ZNF804B: variants seen among roughly 807,000 people sequenced by gnomAD.
ZNF804B encodes the protein zinc finger 804B.
A neutral mutation model predicts 101.4 loss-of-function variants in ZNF804B; 80 were observed. The observed-to-expected ratio is 0.79, with a 90% CI of 0.66 to 0.95. The LOEUF (loss-of-function observed/expected upper bound fraction) is 0.95. Ranked by LOEUF, ZNF804B falls within the 40% of genes least tolerant of loss-of-function variation. The pLI is 0.00. For missense variants in ZNF804B, 1,673 were observed against 1,561.9 expected (o/e 1.07, Z -1.20); for synonymous variants, 622 against 558.8 (o/e 1.11, Z -1.59).
At chr7:89,311,774 A>T (rs1012164578) in intron 2 of ZNF804B, among the ~76,000 whole-genome samples, 14 of 152,202 alleles carry the variant, frequency 9.2e-5, no homozygotes, top group African/African-American at 3.4e-4. Flanking sequence ...GCATTTCAGA[A>T]CAATAATCAA....
intron 1 of ZNF804B, among the ~76,000 whole-genome samples, chr7:88,905,067 T>C (rs1449133969): frequency 1.3e-5 from 2 of 152,176 alleles, no homozygotes; most frequent in Non-Finnish European, 2.9e-5. Context: ...CTGTTTAGTA[T>C]AATGTTAGCT....
intron 2 of ZNF804B, among the ~76,000 whole-genome samples, chr7:89,304,171 C>T (rs1287624939): frequency 1.3e-5 from 2 of 151,884 alleles, no homozygotes; most frequent in African/African-American, 2.4e-5. Context: ...GAAATATAAT[C>T]ATGGAAGGAC....
intron 2 of ZNF804B, among the ~76,000 whole-genome samples, chr7:89,264,610 C>T (rs982162896): frequency 6.6e-6 from 1 of 152,150 alleles, no homozygotes; most frequent in Non-Finnish European, 1.5e-5. Context: ...TTTCTCTCCC[C>T]AGTGCCTGTT....
intron 1 of ZNF804B, among the ~76,000 whole-genome samples, chr7:89,008,026 A>C (rs1386811705): frequency 6.6e-6 from 1 of 152,170 alleles, no homozygotes; most frequent in Non-Finnish European, 1.5e-5. Flanking sequence ...GTCTTGTGCA[A>C]GTTAACTTCT....
At chr7:89,239,076 C>G (rs1181753963) in intron 2 of ZNF804B, among the ~76,000 whole-genome samples, 1 of 152,098 alleles carries the variant, frequency 6.6e-6, no homozygotes, top group African/African-American at 2.4e-5. Context: ...TAGCTATTGT[C>G]ATTTGGGTTC....
chr7:89,194,613 A>G (rs1788516412), intron 1 of ZNF804B, among the ~76,000 whole-genome samples: 1 of 151,662 alleles, frequency 6.6e-6, no homozygotes, highest in African/African-American at 2.4e-5. Context: ...GTCAAAGATC[A>G]GATAGTTGTA....
intron 1 of ZNF804B, among the ~76,000 whole-genome samples, chr7:89,198,758 A>C (rs887708127): frequency 6.6e-6 from 1 of 151,830 alleles, no homozygotes; most frequent in Non-Finnish European, 1.5e-5. Context: ...AAAAACAAGT[A>C]CAGAAAAACA....
At chr7:89,249,703 C>T (rs1371135060) in intron 2 of ZNF804B, among the ~76,000 whole-genome samples, 2 of 152,044 alleles carry the variant, frequency 1.3e-5, no homozygotes, top group African/African-American at 2.4e-5. Context: ...CTCAAATTAA[C>T]AATCAAACAT....
chr7:89,332,420 T>G (rs905105379), intron 3 of ZNF804B, among the ~76,000 whole-genome samples: 1 of 149,982 alleles, frequency 6.7e-6, no homozygotes, highest in Non-Finnish European at 1.5e-5. Context: ...AAATTAGAAA[T>G]AAGCAAACAA....
At chr7:89,092,080 G>A (rs189540340) in intron 1 of ZNF804B, among the ~76,000 whole-genome samples, 145 of 152,132 alleles carry the variant, frequency 9.5e-4, no homozygotes, top group African/African-American at 3.2e-3. Flanking sequence ...TGTTCTGGAG[G>A]CTGAGAAATC....
At chr7:88,929,159 GA>G (rs1393675196) in intron 1 of ZNF804B, among the ~76,000 whole-genome samples, 1 of 151,710 alleles carries the variant, frequency 6.6e-6, no homozygotes, top group Non-Finnish European at 1.5e-5. Flanking sequence ...TCTCTTGCTG[GA>G]AGATCTCCTG....
chr7:89,056,102 A>G (rs1453258514), intron 1 of ZNF804B, among the ~76,000 whole-genome samples: 1 of 152,082 alleles, frequency 6.6e-6, no homozygotes, highest in Non-Finnish European at 1.5e-5. Flanking sequence ...ATTGATTCTG[A>G]GTCATCTTCA....
At chr7:89,235,113 C>A (rs1789260558) in intron 2 of ZNF804B, among the ~76,000 whole-genome samples, 1 of 151,910 alleles carries the variant, frequency 6.6e-6, no homozygotes, top group East Asian at 1.9e-4. Flanking sequence ...GTCTCCTTAT[C>A]TTTTTATTCT....
chr7:89,059,165 T>G (rs1789338398), intron 1 of ZNF804B, among the ~76,000 whole-genome samples: 1 of 152,212 alleles, frequency 6.6e-6, no homozygotes, highest in Non-Finnish European at 1.5e-5. Flanking sequence ...AAGGTATTAT[T>G]GCATTTTCAG....
intron 2 of ZNF804B, among the ~76,000 whole-genome samples, chr7:89,326,064 A>C (rs1451955209): frequency 6.6e-6 from 1 of 152,030 alleles, no homozygotes; most frequent in Non-Finnish European, 1.5e-5. Context: ...TCTGTTGTTT[A>C]TAATTTCCAG....
intron 1 of ZNF804B, among the ~76,000 whole-genome samples, chr7:89,180,450 G>A (rs771700238): frequency 6.6e-6 from 1 of 152,002 alleles, no homozygotes; most frequent in Non-Finnish European, 1.5e-5. Flanking sequence ...CCAGGCCAAT[G>A]GTGGGTACTG....
chr7:89,085,564 G>A (rs190070674), intron 1 of ZNF804B, among the ~76,000 whole-genome samples: 5 of 151,954 alleles, frequency 3.3e-5, no homozygotes, highest in African/African-American at 9.6e-5. Context: ...ATTCAATGAT[G>A]TTTGGATATT....
At chr7:88,782,703 A>G (rs1229056005) in intron 1 of ZNF804B, among the ~76,000 whole-genome samples, 1 of 152,162 alleles carries the variant, frequency 6.6e-6, no homozygotes, top group African/African-American at 2.4e-5. Context: ...CACTTGGTTA[A>G]TATTAGCAGG....
intron 1 of ZNF804B, among the ~76,000 whole-genome samples, chr7:88,982,565 G>C (rs1439097873): frequency 6.6e-6 from 1 of 151,988 alleles, no homozygotes; most frequent in Admixed American, 6.6e-5. Flanking sequence ...TTGTCCCCAG[G>C]TCTGTATTGA....
Sources: allele counts gnomAD v4.1 joint callset (sites outside exome capture counted in the v4.1 genomes callset), GRCh38; gene constraint gnomAD v4.1.1; transcripts MANE v1.5; gene names NCBI Gene and HGNC (gene_info 2026-07-23, HGNC 2026-07-21).